Variants in RPA1 observed in about 807,000 individuals in gnomAD.
The protein encoded by RPA1 is replication protein A 70 kDa DNA-binding subunit.
In RPA1, 49 loss-of-function variants were observed where a neutral mutation model predicts 83.0. The ratio of observed to expected loss-of-function variants is 0.59; its 90% CI spans 0.47 to 0.75. The LOEUF (loss-of-function observed/expected upper bound fraction) is 0.75. Among genes scored for constraint, RPA1 ranks in the 30% least tolerant of loss-of-function variants. The pLI is 0.00. For missense variants in RPA1, 693 were observed against 776.1 expected (o/e 0.89, Z 1.27); for synonymous variants, 279 against 281.8 (o/e 0.99, Z 0.10).
Position 1,836,838 on chromosome 17 carries a change from A to AT in RPA1, c.34-5965_34-5964insT, listed in dbSNP as rs1911844359. On this transcript the variant is annotated intron_variant, in intron 1 of 16. Transcript: ENST00000254719. ...CACCACTCTTGGCTAATTAAAAAAA[A>AT]ATTTTTTTTTTTTTTTTTGAGACAC... Among the ~76,000 whole-genome samples, 8 of 143,746 alleles carry AT rather than the reference A, an allele frequency of 5.6e-5. No homozygotes were observed. In the South Asian group the frequency reaches 6.6e-4, roughly 12 times the overall value. The allele number at this position is 143,746 out of a possible 152,430, so 94.3% of individuals were successfully genotyped here. A position where few individuals can be genotyped will look rare whatever the true frequency, so the allele number is the denominator to read the frequency against.
chr17:1,840,575 C>T (rs111767477), intron 1 of RPA1, among the ~76,000 whole-genome samples: 14 of 151,940 alleles, frequency 9.2e-5, no homozygotes, highest in Admixed American at 7.2e-4. Context: ...CGTGAGCCAC[C>T]ACCTGGCTAA....
intron 5 of RPA1, among the ~76,000 whole-genome samples, chr17:1,859,964 C>T (rs942116051): frequency 6.6e-6 from 1 of 152,186 alleles, no homozygotes; most frequent in Admixed American, 6.5e-5. Flanking sequence ...AGGCACGCAT[C>T]ACCATGCTCA....
At position 1,898,008 on chromosome 17, in the gene RPA1, G is replaced by A. The variant is rs1447881818; in HGVS notation, c.*833G>A. On this transcript the variant is annotated 3_prime_UTR_variant, in exon 17 of 17. Coordinates refer to ENST00000254719, the MANE Select transcript of RPA1 (RefSeq NM_002945.5). ...TGACTAAAGCTATGTTACATGGAAAGGATTTTGAAGCCTTTTGTTTCCCTT... is the reference window on the plus strand; with the variant it reads ...TGACTAAAGCTATGTTACATGGAAAAGATTTTGAAGCCTTTTGTTTCCCTT... The A allele has an allele frequency of 6.6e-6, 1 of 152,178 alleles. No homozygotes were observed. The highest frequency in any genetic ancestry group is 1.9e-4 in the East Asian group (1 of 5,188). The allele number at this position is 152,178 out of a possible 1,614,324, so 9.4% of individuals were successfully genotyped here. A position where few individuals can be genotyped will look rare whatever the true frequency, so the allele number is the denominator to read the frequency against.
chr17:1,895,285 G>A (rs1481038118), intron 16 of RPA1, among the ~76,000 whole-genome samples, 190 bp downstream of exon 16: 1 of 151,114 alleles, frequency 6.6e-6, no homozygotes, highest in Non-Finnish European at 1.5e-5. Flanking sequence ...TAAGTGTCTT[G>A]TCGAAACAAT....
At chr17:1,877,970 CCTGTAATCCCAA>C (rs1261892691) in intron 8 of RPA1, among the ~76,000 whole-genome samples, 1 of 152,246 alleles carries the variant, frequency 6.6e-6, no homozygotes. Flanking sequence ...GTGGCTCACG[CCTGTAATCCCAA>C]CACTTTGGGA....
chr17:1,844,477 C>A, intron 3 of RPA1, 101 bp from the exon 4 acceptor site: 1 of 778,006 alleles, frequency 1.3e-6, no homozygotes, highest in Non-Finnish European at 2.1e-6. Flanking sequence ...ATTTCAGGAG[C>A]ATATGTAAGG....
intron 16 of RPA1, among the ~76,000 whole-genome samples, chr17:1,895,479 G>A (rs1042161578): frequency 1.2e-4 from 18 of 151,212 alleles, no homozygotes; most frequent in African/African-American, 3.4e-4. Flanking sequence ...TATATGAGCC[G>A]GGCGTGGTGG....
Position 1,879,294 on chromosome 17 carries a change from T to C in RPA1, c.839T>C (p.Phe280Ser). The stretch of plus-strand genomic sequence containing the variant: ...GTTAAAAATGACTACGAGATGACCT[T>C]CAATAACGAGACTTCCGTCATGCCC... ...TAVKNDYEMT[F>S]NNETSVMPCE... The change falls in exon 10 of 17, where the codon TTC (phenylalanine) becomes TCC (serine). Residue 280 changes from phenylalanine to serine, a missense_variant. By Grantham distance (155) the Phe-to-Ser change is radical. Coordinates refer to ENST00000254719, the MANE Select transcript of RPA1 (RefSeq NM_002945.5). 1 of 1,614,176 alleles carries C rather than the reference T, an allele frequency of 6.2e-7. No homozygotes were observed. The highest frequency in any genetic ancestry group is 8.5e-7 in the Non-Finnish European group (1 of 1,180,038).
rs368573554 is a variant in RPA1, at chr17:1,844,890, T to C, written c.272+204T>C. 2.2e-3 allele frequency among the ~76,000 whole-genome samples: 330 copies of C among 152,150 alleles called. 1 individual carries two copies. The highest frequency in any genetic ancestry group is 7.4e-3 in the African/African-American group (308 of 41,486). On this transcript the variant is annotated intron_variant, in intron 4 of 16. Coordinates refer to ENST00000254719, the MANE Select transcript of RPA1 (RefSeq NM_002945.5). ...AGAAGATTAAAGTAGAATGCAGAAA[T>C]CTTGTTATTTCTAATTTCTTCAGAA... is the stretch of plus-strand genomic sequence containing the variant.
At chr17:1,837,000 G>A (rs540248014) in intron 1 of RPA1, among the ~76,000 whole-genome samples, 1 of 151,952 alleles carries the variant, frequency 6.6e-6, no homozygotes, top group Non-Finnish European at 1.5e-5. Flanking sequence ...ACCATCCCCA[G>A]CTAATTTTTG....
chr17:1,842,829 C>T lies in RPA1; in HGVS notation c.60C>T (p.Asn20=). The T allele has an allele frequency of 1.9e-6, 3 of 1,614,110 alleles. No individual in the cohort carries two copies. The highest frequency in any genetic ancestry group is 1.7e-6 in the Non-Finnish European group (2 of 1,179,976). Residue 20 remains asparagine (N), a synonymous_variant, in exon 2 of 17, where the codon AAC becomes AAT. Transcript: ENST00000254719. ...CCATCATGCAGAAGGGGGATACAAA[C>T]ATAAAGCCCATCCTCCAAGTCATCG... ...IAAIMQKGDT[N]IKPILQVINI... is the part of the protein sequence containing the mutation.
At chr17:1,835,437 A>T (rs1911778801) in intron 1 of RPA1, among the ~76,000 whole-genome samples, 1 of 152,068 alleles carries the variant, frequency 6.6e-6, no homozygotes, top group Admixed American at 6.6e-5. Flanking sequence ...GATTATAGGC[A>T]TGAGCCACTG....
chr17:1,834,864 T>C (rs2151265737), intron 1 of RPA1, among the ~76,000 whole-genome samples: 1 of 152,080 alleles, frequency 6.6e-6, no homozygotes, highest in Admixed American at 6.5e-5. Context: ...TTTATATACT[T>C]ACTAGGGATT....
intron 13 of RPA1, among the ~76,000 whole-genome samples, chr17:1,885,839 A>G (rs1220164086): frequency 6.6e-6 from 1 of 152,214 alleles, no homozygotes; most frequent in Non-Finnish European, 1.5e-5. Context: ...CTATCGCCTC[A>G]TGAAATATGT....
chr17:1,876,958 A>T (rs911268458), intron 7 of RPA1, among the ~76,000 whole-genome samples: 7 of 152,224 alleles, frequency 4.6e-5, no homozygotes, highest in Non-Finnish European at 1.0e-4. Context: ...TTTTTGGAGA[A>T]GGGAGAGAGT....
chr17:1,891,447 C>T (rs17339166), intron 14 of RPA1, among the ~76,000 whole-genome samples: 39 of 151,704 alleles, frequency 2.6e-4, no homozygotes, highest in African/African-American at 8.9e-4. Context: ...ATCTGATGGG[C>T]CTCTCTCTGT....
At chr17:1,894,938 T>A (rs529332326) in intron 15 of RPA1, 71 bp from the exon 16 acceptor site, 24 of 1,256,992 alleles carry the variant, frequency 1.9e-5, no homozygotes, top group Admixed American at 5.6e-5. Context: ...GAAGTCTTTT[T>A]AAAAGTCTTA....
At chr17:1,831,161 ATCTG>A (rs1292975029) in intron 1 of RPA1, among the ~76,000 whole-genome samples, 4 of 152,192 alleles carry the variant, frequency 2.6e-5, no homozygotes, top group African/African-American at 9.6e-5. Context: ...AACTTCCGTC[ATCTG>A]TCTGCTTATT....
chr17:1,883,228 C>A (rs1293579713), intron 12 of RPA1, among the ~76,000 whole-genome samples: 1 of 152,188 alleles, frequency 6.6e-6, no homozygotes, highest in Non-Finnish European at 1.5e-5. Context: ...GCCATCTCGG[C>A]TCACTGCAAC....
Sources: gnomAD v4.1 joint callset for allele counts (sites outside exome capture counted in the v4.1 genomes callset) on GRCh38, gnomAD v4.1.1 for gene constraint, MANE v1.5 for transcripts, NCBI Gene and HGNC (gene_info 2026-07-23, HGNC 2026-07-21) for gene names.